Variants in RERG observed in about 807,000 individuals in gnomAD.
RERG encodes RAS like estrogen regulated growth inhibitor.
In RERG, 25 loss-of-function variants were observed where a neutral mutation model predicts 23.2. The ratio of observed to expected loss-of-function variants is 1.08; its 90% CI spans 0.79 to 1.50. The LOEUF (loss-of-function observed/expected upper bound fraction) is 1.50. Ranked by LOEUF, RERG falls within the 40% of genes most tolerant of loss-of-function variation. The pLI, the probability that RERG is intolerant of heterozygous loss-of-function variation, is 0.00. For missense variants in RERG, 253 were observed against 250.1 expected (o/e 1.01, Z -0.08); for synonymous variants, 81 against 89.1 (o/e 0.91, Z 0.51).
intron 2 of RERG, among the ~76,000 whole-genome samples, chr12:15,195,533 A>C (rs1865131149): frequency 1.4e-5 from 2 of 146,114 alleles, no homozygotes; most frequent in Admixed American, 6.8e-5. Context: ...TTAACTTCTT[A>C]AGGCACAGCA....
chr12:15,136,140 G>C (rs1225573775), intron 2 of RERG, among the ~76,000 whole-genome samples: 1 of 151,834 alleles, frequency 6.6e-6, no homozygotes, highest in Non-Finnish European at 1.5e-5. Flanking sequence ...TGTCTTTCAG[G>C]GAATTTGTTT....
At chr12:15,212,019 G>A (rs1865372553) in intron 2 of RERG, among the ~76,000 whole-genome samples, 1 of 133,684 alleles carries the variant, frequency 7.5e-6, no homozygotes, top group East Asian at 2.2e-4. Flanking sequence ...TGAAACCTAT[G>A]TGATATTAGA....
intron 3 of RERG, among the ~76,000 whole-genome samples, chr12:15,117,671 A>ACGCGTG (rs10689953): frequency 0.24 from 16,212 of 67,900 alleles, 945 homozygotes; most frequent in Admixed American, 0.28. Context: ...TCCATCACAC[A>ACGCGTG]CGCGCACACA....
rs142069004 is a variant in RERG, at chr12:15,159,562, G to A, written c.62-38443C>T. 7.9e-5 allele frequency among the ~76,000 whole-genome samples: 12 copies of A among 152,248 alleles called. No individual in the cohort carries two copies. In the East Asian group the frequency reaches 2.3e-3, roughly 29 times the overall value. On this transcript the variant is annotated intron_variant, in intron 2 of 4. Transcript: ENST00000256953. ...TGGAGGGCTGGGCACGGTGGCTCAC[G>A]CCTGTAATCCCAGCACTTTGGGAGG...
At chr12:15,172,818 A>G (rs1864795038) in intron 2 of RERG, among the ~76,000 whole-genome samples, 1 of 151,960 alleles carries the variant, frequency 6.6e-6, no homozygotes, top group Non-Finnish European at 1.5e-5. Context: ...TCCATTTTTA[A>G]TTTGGTTATT....
intron 3 of RERG, among the ~76,000 whole-genome samples, 187 bp from the exon 4 acceptor site, chr12:15,111,604 C>A (rs1332161482): frequency 6.6e-6 from 1 of 151,882 alleles, no homozygotes; most frequent in East Asian, 1.9e-4. Flanking sequence ...CCTGGACATA[C>A]CAAGTTCTAA....
At chr12:15,112,897 G>A (rs186675229) in intron 3 of RERG, among the ~76,000 whole-genome samples, 18 of 152,244 alleles carry the variant, frequency 1.2e-4, no homozygotes, top group South Asian at 2.1e-4. Flanking sequence ...CTAGCAGGAC[G>A]CATGAGGAAA....
At chr12:15,185,261 A>G (rs1196959577) in intron 2 of RERG, among the ~76,000 whole-genome samples, 2 of 152,142 alleles carry the variant, frequency 1.3e-5, no homozygotes, top group Non-Finnish European at 2.9e-5. Context: ...TGTGATATCA[A>G]TCTCATATCA....
chr12:15,212,042 C>CTTTTTTTTTTTTTTTTTTTTTTTTTTTTT (rs772353150), intron 2 of RERG, among the ~76,000 whole-genome samples: 2 of 64,716 alleles, frequency 3.1e-5, no homozygotes, highest in African/African-American at 5.8e-5. Context: ...CACGAATAAA[C>CTTTTTTTTTTTTTTTTTTTTTTTTTTTTT]TTTTTTTTTT....
At chr12:15,149,944 C>T (rs1040279674) in intron 2 of RERG, among the ~76,000 whole-genome samples, 2 of 152,194 alleles carry the variant, frequency 1.3e-5, no homozygotes, top group Non-Finnish European at 2.9e-5. Flanking sequence ...GCCTTAGAAT[C>T]CTTCCTTCCT....
Position 15,126,157 on chromosome 12 carries a change from T to TATATATATATA in RERG, c.62-5039_62-5038insTATATATATAT, listed in dbSNP as rs1555120854. ...TATATATATATATATATATATGTAT[T>TATATATATATA]TACACACATACATTTTTACATATAT... On this transcript the variant is annotated intron_variant, in intron 2 of 4. Transcript: ENST00000256953. Among the ~76,000 whole-genome samples, 446 of 55,344 alleles carry TATATATATATA rather than the reference T, an allele frequency of 8.1e-3. 14 individuals carry two copies. Among genetic ancestry groups the TATATATATATA allele is most frequent in the African/African-American group, 0.023 (415 of 18,334 alleles). The allele number at this position is 55,344 out of a possible 152,430, so 36.3% of individuals were successfully genotyped here. A position where few individuals can be genotyped will look rare whatever the true frequency, so the allele number is the denominator to read the frequency against.
chr12:15,152,846 C>A (rs74068705), intron 2 of RERG, among the ~76,000 whole-genome samples: 2,500 of 152,038 alleles, frequency 0.016, 61 homozygotes, highest in African/African-American at 0.057. Context: ...AAAATGAATT[C>A]TTTCATCATA....
At chr12:15,188,681 C>T (rs923845715) in intron 2 of RERG, among the ~76,000 whole-genome samples, 12 of 152,068 alleles carry the variant, frequency 7.9e-5, no homozygotes, top group Admixed American at 2.0e-4. Context: ...TGTGCTTATA[C>T]CAAAAACATA....
At chr12:15,199,626 G>T in intron 2 of RERG, among the ~76,000 whole-genome samples, 1 of 151,946 alleles carries the variant, frequency 6.6e-6, no homozygotes, top group East Asian at 1.9e-4. Context: ...AGATGATTTA[G>T]GTTCTGATTT....
intron 3 of RERG, among the ~76,000 whole-genome samples, chr12:15,116,519 A>G (rs757784553): frequency 1.8e-4 from 28 of 152,252 alleles, no homozygotes; most frequent in Admixed American, 6.5e-4. Flanking sequence ...TGAAACAAAA[A>G]GGATAAAATG....
intron 2 of RERG, among the ~76,000 whole-genome samples, chr12:15,202,180 A>G (rs1351794740): frequency 2.0e-5 from 3 of 151,808 alleles, no homozygotes; most frequent in African/African-American, 7.2e-5. Flanking sequence ...TTGGACATAT[A>G]CATATATCCA....
At chr12:15,168,315 G>C (rs1864726090) in intron 2 of RERG, among the ~76,000 whole-genome samples, 1 of 152,154 alleles carries the variant, frequency 6.6e-6, no homozygotes, top group Non-Finnish European at 1.5e-5. Flanking sequence ...ACACAACAGC[G>C]AGAGAGTTCT....
intron 2 of RERG, among the ~76,000 whole-genome samples, chr12:15,171,940 C>G (rs1397334057): frequency 6.6e-6 from 1 of 152,078 alleles, no homozygotes; most frequent in Non-Finnish European, 1.5e-5. Context: ...TTTACTTATT[C>G]TTTAAAGCTA....
At chr12:15,130,875 C>T (rs1864033725) in intron 2 of RERG, among the ~76,000 whole-genome samples, 1 of 151,932 alleles carries the variant, frequency 6.6e-6, no homozygotes, top group African/African-American at 2.4e-5. Flanking sequence ...GAAAATCTAG[C>T]CTGGGAGTCT....
Sources: allele counts gnomAD v4.1 joint callset (sites outside exome capture counted in the v4.1 genomes callset), GRCh38; gene constraint gnomAD v4.1.1; transcripts MANE v1.5; gene names NCBI Gene and HGNC (gene_info 2026-07-23, HGNC 2026-07-21).